Variants in UBE2E1 observed in about 807,000 individuals in gnomAD.
UBE2E1 encodes the protein ubiquitin conjugating enzyme E2 E1, also known as ubiquitin-conjugating enzyme E2 E1.
Under a neutral mutation model 21.4 loss-of-function variants are expected in UBE2E1, and 6 were observed. That is an observed-to-expected ratio of 0.28 (90% CI 0.15 to 0.55). The LOEUF is 0.55. Ranked by LOEUF, UBE2E1 falls within the 20% of genes least tolerant of loss-of-function variation. The pLI, the probability that UBE2E1 is intolerant of heterozygous loss-of-function variation, is 0.93. For synonymous variants in UBE2E1, 87 were observed against 82.7 expected (o/e 1.05, Z -0.28); for missense variants, 142 against 236.5 (o/e 0.60, Z 2.62).
intron 3 of UBE2E1, chr3:23,879,041 C>G (rs1700978815): frequency 2.0e-6 from 1 of 501,594 alleles, no homozygotes; most frequent in South Asian, 1.6e-5. Flanking sequence ...TTGATGAGCT[C>G]AGTTCACCCC....
chr3:23,866,678 C>T (rs942542355), intron 3 of UBE2E1, among the ~76,000 whole-genome samples: 2 of 149,140 alleles, frequency 1.3e-5, no homozygotes, highest in Non-Finnish European at 3.0e-5. Context: ...ACATTATTAT[C>T]GAAATTCCTC....
At chr3:23,841,340 T>G (rs1700079898) in intron 3 of UBE2E1, among the ~76,000 whole-genome samples, 1 of 152,164 alleles carries the variant, frequency 6.6e-6, no homozygotes, top group African/African-American at 2.4e-5. Context: ...AACTGTGTCA[T>G]TAGAATTTTT....
chr3:23,814,380 A>T (rs933519548), intron 3 of UBE2E1, among the ~76,000 whole-genome samples: 1 of 152,210 alleles, frequency 6.6e-6, no homozygotes, highest in South Asian at 2.1e-4. Flanking sequence ...AACACAGTAC[A>T]GATTGTGTTC....
At chr3:23,857,697 C>T (rs139415470) in intron 3 of UBE2E1, among the ~76,000 whole-genome samples, 25 of 152,286 alleles carry the variant, frequency 1.6e-4, no homozygotes, top group African/African-American at 6.0e-4. Flanking sequence ...TGGAAGCTGT[C>T]TGTGGGCAAC....
chr3:23,852,806 T>C (rs960345211), intron 3 of UBE2E1, among the ~76,000 whole-genome samples: 6 of 152,110 alleles, frequency 3.9e-5, no homozygotes, highest in Non-Finnish European at 8.8e-5. Context: ...GGTCTCACCA[T>C]GTTGCCCAGG....
chr3:23,811,894 TGCTAAGCTAAGAGAAC>T (rs1416896824), intron 3 of UBE2E1, among the ~76,000 whole-genome samples: 8 of 152,364 alleles, frequency 5.3e-5, no homozygotes, highest in Middle Eastern at 3.4e-3. Context: ...ATTCAATCTC[TGCTAAGCTAAGAGAAC>T]ATTAGAGTTA....
rs578186807 is a variant in UBE2E1 at position 23,889,088 on chromosome 3, T to C, written c.337-24T>C. ...AACAAGTTTGTTTGCTGTTTAAATA[T>C]TGTCTGTCACTTGTTTTTTTTAGGT... On this transcript the variant is annotated intron_variant, in intron 4 of 5. Transcript: ENST00000306627. 10 of 1,580,136 alleles carry C rather than the reference T, an allele frequency of 6.3e-6. No individual in the cohort carries two copies. In the South Asian group the frequency reaches 8.2e-5, roughly 13 times the overall value.
rs181252350 is a variant in UBE2E1, at chr3:23,836,756, G to A, written c.203+25246G>A. Among the ~76,000 whole-genome samples, 152 of 152,240 alleles carry A rather than the reference G, an allele frequency of 1.0e-3. 1 individual carries two copies. Among genetic ancestry groups the A allele is most frequent in the South Asian group, 5.4e-3 (26 of 4,818 alleles). ...TCTTAACCATTGTACACTCTCTACC[G>A]TGTCCCTCAGGGGCATGTGAAAGTA... On this transcript the variant is annotated intron_variant, in intron 3 of 5. Transcript: ENST00000306627. This position sits in a 1 kb window ranked among gnomAD's most constrained non-coding sequence, Gnocchi z 4.1.
intron 3 of UBE2E1, among the ~76,000 whole-genome samples, chr3:23,832,357 G>A (rs1275705837): frequency 1.3e-5 from 2 of 152,330 alleles, no homozygotes; most frequent in East Asian, 1.9e-4. Flanking sequence ...ATATAGAGGT[G>A]TGGGGGGCTG....
chr3:23,811,597 G>C, intron 3 of UBE2E1, 87 bp downstream of exon 3: 1 of 1,299,088 alleles, frequency 7.7e-7, no homozygotes, highest in African/African-American at 1.5e-5. Context: ...CTTTTTCTTT[G>C]ATTCTTTGGC....
intron 3 of UBE2E1, among the ~76,000 whole-genome samples, chr3:23,841,972 G>A (rs776206058): frequency 6.6e-6 from 1 of 151,944 alleles, no homozygotes; most frequent in African/African-American, 2.4e-5. Context: ...GGGCAAAATG[G>A]GATAATCTTT....
At chr3:23,833,669 T>C (rs554940996) in intron 3 of UBE2E1, among the ~76,000 whole-genome samples, 1 of 152,342 alleles carries the variant, frequency 6.6e-6, no homozygotes, top group East Asian at 1.9e-4. Context: ...AAGAAAATTA[T>C]AGGCATGACT....
At chr3:23,814,490 G>C (rs907128975) in intron 3 of UBE2E1, among the ~76,000 whole-genome samples, 4 of 151,960 alleles carry the variant, frequency 2.6e-5, no homozygotes, top group African/African-American at 9.7e-5. Context: ...ATTTGTGTGT[G>C]TGTGTATATA....
chr3:23,873,293 T>C (rs2125321703), intron 3 of UBE2E1, among the ~76,000 whole-genome samples: 1 of 152,316 alleles, frequency 6.6e-6, no homozygotes, highest in African/African-American at 2.4e-5. Context: ...AGTTTTTCCC[T>C]GATGATGTAA....
At chr3:23,848,105 A>C (rs1284268420) in intron 3 of UBE2E1, among the ~76,000 whole-genome samples, 2 of 152,174 alleles carry the variant, frequency 1.3e-5, no homozygotes, top group African/African-American at 4.8e-5. Context: ...CTGTGCAGTA[A>C]TTTCCTTATT....
chr3:23,883,307 A>T (rs1240184264), intron 3 of UBE2E1, among the ~76,000 whole-genome samples: 2 of 152,168 alleles, frequency 1.3e-5, no homozygotes, highest in African/African-American at 2.4e-5. Flanking sequence ...ACCTGAGGGC[A>T]AACCTGGTCA....
intron 3 of UBE2E1, among the ~76,000 whole-genome samples, chr3:23,818,401 T>TTA (rs1431506092): frequency 6.6e-6 from 1 of 152,208 alleles, no homozygotes; most frequent in East Asian, 1.9e-4. Context: ...ATTAAATAGA[T>TTA]TATAAACTTC....
Position 23,870,656 on chromosome 3 carries a change from A to G in UBE2E1, c.204-16911A>G, listed in dbSNP as rs9836054. On this transcript the variant is annotated intron_variant, in intron 3 of 5. Coordinates refer to ENST00000306627, the MANE Select transcript of UBE2E1 (RefSeq NM_003341.5). This position sits in a 1 kb window ranked among gnomAD's most constrained non-coding sequence, Gnocchi z 4.2. ...AAAACTGTTCACTTATATTTTCTTC[A>G]AGTTCCTATTTAAAATTCTTTTTTT... Among the ~76,000 whole-genome samples, 1,158 of 149,180 alleles carry G rather than the reference A, an allele frequency of 7.8e-3. 15 individuals are homozygous for G. Among genetic ancestry groups the G allele is most frequent in the African/African-American group, 0.027 (1,085 of 40,244 alleles).
At chr3:23,860,850 G>T (rs147176376) in intron 3 of UBE2E1, among the ~76,000 whole-genome samples, 1 of 152,278 alleles carries the variant, frequency 6.6e-6, no homozygotes, top group East Asian at 1.9e-4. Context: ...ATTCACTAGG[G>T]ATGTAACTAA....
Sources: allele counts gnomAD v4.1 joint callset (sites outside exome capture counted in the v4.1 genomes callset), GRCh38; gene constraint gnomAD v4.1.1; non-coding constraint Gnocchi (gnomAD v3.1); transcripts MANE v1.5; gene names NCBI Gene and HGNC (gene_info 2026-07-23, HGNC 2026-07-21).